SELENOF: variants seen among roughly 807,000 people sequenced by gnomAD.
The protein encoded by SELENOF is selenoprotein F.
Under a neutral mutation model 20.5 loss-of-function variants are expected in SELENOF, and 16 were observed. That is an observed-to-expected ratio of 0.78 (90% CI 0.53 to 1.19). The LOEUF (loss-of-function observed/expected upper bound fraction) is 1.19. Among genes scored for constraint, SELENOF ranks in the 50% most tolerant of loss-of-function variants. The pLI is 0.00. For missense variants in SELENOF, 215 were observed against 194.2 expected (o/e 1.11, Z -0.64); for synonymous variants, 78 against 74.5 (o/e 1.05, Z -0.24).
chr1:86,909,087 TATCTCA>T (rs889651035), intron 1 of SELENOF, among the ~76,000 whole-genome samples: 3 of 152,204 alleles, frequency 2.0e-5, no homozygotes, highest in Admixed American at 6.5e-5. Flanking sequence ...TCCATAGCAG[TATCTCA>T]ATCTCAAAGT....
chr1:86,884,702 G>A (rs959580863), intron 2 of SELENOF, among the ~76,000 whole-genome samples: 3 of 152,102 alleles, frequency 2.0e-5, no homozygotes, highest in Non-Finnish European at 2.9e-5. Context: ...CAAACATTTA[G>A]GGAAAAATAC....
chr1:86,910,290 T>C (rs765272379), intron 1 of SELENOF, among the ~76,000 whole-genome samples: 31 of 152,208 alleles, frequency 2.0e-4, no homozygotes, highest in Admixed American at 7.2e-4. Context: ...TTTGGGAATA[T>C]TTGGTGGAAT....
intron 2 of SELENOF, among the ~76,000 whole-genome samples, chr1:86,889,485 T>C (rs1480172924): frequency 1.3e-5 from 2 of 151,974 alleles, no homozygotes; most frequent in African/African-American, 4.8e-5. Context: ...TCCCAGCCAC[T>C]GGGGAGGCTG....
At chr1:86,914,339 T>G, upstream of SELENOF, 1 of 574,046 alleles carries the variant, frequency 1.7e-6, no homozygotes, top group Non-Finnish European at 3.1e-6. Context: ...TCTTTACTTC[T>G]GCGGTCTCCT....
chr1:86,892,734 G>A (rs886320343), intron 2 of SELENOF, among the ~76,000 whole-genome samples: 1 of 151,984 alleles, frequency 6.6e-6, no homozygotes, highest in African/African-American at 2.4e-5. Context: ...TATCTGGCTG[G>A]GCCTTAAATA....
At chr1:86,875,429 G>A (rs191451475) in intron 3 of SELENOF, among the ~76,000 whole-genome samples, 1 of 152,226 alleles carries the variant, frequency 6.6e-6, no homozygotes, top group East Asian at 1.9e-4. Flanking sequence ...TTTAGGAAAA[G>A]ATGAGAACTT....
chr1:86,875,192 G>C (rs1269758687), intron 3 of SELENOF, among the ~76,000 whole-genome samples: 1 of 150,954 alleles, frequency 6.6e-6, no homozygotes, highest in Admixed American at 6.6e-5. Context: ...AGTGAGCCGA[G>C]ATCACGCCAC....
chr1:86,885,487 G>C (rs1219961846), intron 2 of SELENOF, among the ~76,000 whole-genome samples: 11 of 152,106 alleles, frequency 7.2e-5, no homozygotes, highest in Non-Finnish European at 1.3e-4. Flanking sequence ...AAAAAGTGCA[G>C]TATTTGTTAA....
chr1:86,872,808 C>A (rs992841583), intron 3 of SELENOF, among the ~76,000 whole-genome samples: 1 of 151,814 alleles, frequency 6.6e-6, no homozygotes, highest in Non-Finnish European at 1.5e-5. Flanking sequence ...TTTGGGAGGC[C>A]GAGGTGGGAG....
chr1:86,911,923 C>T (rs1300163138), intron 1 of SELENOF, among the ~76,000 whole-genome samples: 1 of 151,888 alleles, frequency 6.6e-6, no homozygotes, highest in South Asian at 2.1e-4. Context: ...AGGCATGCGC[C>T]ACCACGCCCA....
chr1:86,867,422 G>A (rs1658628183), intron 4 of SELENOF, among the ~76,000 whole-genome samples: 3 of 151,972 alleles, frequency 2.0e-5, no homozygotes, highest in Admixed American at 2.0e-4. Flanking sequence ...AACCCAGGAG[G>A]CAGAGGTTGC....
chr1:86,872,593 C>G (rs1440765846), intron 3 of SELENOF, among the ~76,000 whole-genome samples: 1 of 149,478 alleles, frequency 6.7e-6, no homozygotes, highest in Non-Finnish European at 1.5e-5. Context: ...GTTGGTCAGG[C>G]TGGTGTCGAA....
At chr1:86,893,779 CA>C (rs1053123796) in intron 2 of SELENOF, among the ~76,000 whole-genome samples, 19 of 151,928 alleles carry the variant, frequency 1.3e-4, no homozygotes, top group Non-Finnish European at 2.2e-4. Flanking sequence ...AATATCAAGG[CA>C]GAGTGTAATA....
At chr1:86,875,818 T>C (rs143535841) in intron 3 of SELENOF, among the ~76,000 whole-genome samples, 219 of 152,276 alleles carry the variant, frequency 1.4e-3, no homozygotes, top group South Asian at 3.7e-3. Context: ...AAATTTTGAA[T>C]GAACTGGAAT....
At chr1:86,870,381 T>C (rs539953430) in intron 3 of SELENOF, among the ~76,000 whole-genome samples, 124 of 152,340 alleles carry the variant, frequency 8.1e-4, no homozygotes, top group African/African-American at 2.8e-3. Flanking sequence ...TTCCAGATAT[T>C]CTGCAAACTC....
At chr1:86,912,232 T>G (rs182048314) in intron 1 of SELENOF, among the ~76,000 whole-genome samples, 37 of 152,288 alleles carry the variant, frequency 2.4e-4, no homozygotes, top group Admixed American at 1.8e-3. Context: ...GTGGATGGAT[T>G]TGAGATACTT....
At chr1:86,914,189 G>A, upstream of SELENOF, 1 of 1,275,874 alleles carries the variant, frequency 7.8e-7, no homozygotes, top group Non-Finnish European at 1.1e-6. Context: ...AAAACAGAAC[G>A]CTAACGGCCG....
rs896218871 is a variant in SELENOF at position 86,908,267 on chromosome 1, CA to C, written c.85-4820del. 4.8e-4 allele frequency among the ~76,000 whole-genome samples: 73 copies of C among 152,262 alleles called. 1 individual carries two copies. Among genetic ancestry groups the C allele is most frequent in the African/African-American group, 1.8e-3 (73 of 41,564 alleles). On this transcript the variant is annotated intron_variant, in intron 1 of 4. Transcript: ENST00000331835. ...TTCTGAGCAAACTCCAAATCTGAGACAAAAGCAAATAGATGGGATTACAGAA... is the reference window on the plus strand; with the variant it reads ...TTCTGAGCAAACTCCAAATCTGAGACAAAGCAAATAGATGGGATTACAGAA...
chr1:86,914,268 C>G (rs1660078894), upstream of SELENOF: 3 of 657,914 alleles, frequency 4.6e-6, no homozygotes, highest in Non-Finnish European at 8.1e-6. Context: ...TAAAAGTCAT[C>G]AAATACAATC....
Sources: allele counts gnomAD v4.1 joint callset (sites outside exome capture counted in the v4.1 genomes callset), GRCh38; gene constraint gnomAD v4.1.1; transcripts MANE v1.5; gene names NCBI Gene and HGNC (gene_info 2026-07-23, HGNC 2026-07-21).